PHF20: variants seen among roughly 807,000 people sequenced by gnomAD.
The protein encoded by PHF20 is glioma-expressed antigen 2.
A neutral mutation model predicts 113.5 loss-of-function variants in PHF20; 23 were observed. The ratio of observed to expected loss-of-function variants is 0.20; its 90% confidence interval spans 0.15 to 0.29. PHF20 has a LOEUF of 0.29. Among genes scored for constraint, PHF20 ranks in the 10% least tolerant of loss-of-function variants. The pLI, the probability that PHF20 is intolerant of heterozygous loss-of-function variation, is 1.00. For missense variants in PHF20, 943 were observed against 1,219.6 expected (o/e 0.77, Z 3.38); for synonymous variants, 434 against 457.3 (o/e 0.95, Z 0.65).
chr20:35,908,510 C>G (rs1321277565), intron 10 of PHF20, among the ~76,000 whole-genome samples: 1 of 152,204 alleles, frequency 6.6e-6, no homozygotes, highest in Non-Finnish European at 1.5e-5. Flanking sequence ...GTTAGCATTT[C>G]ACTAAGCTGA....
At chr20:35,881,601 C>A (rs2054636480) in intron 9 of PHF20, among the ~76,000 whole-genome samples, 1 of 151,476 alleles carries the variant, frequency 6.6e-6, no homozygotes, top group Non-Finnish European at 1.5e-5. Context: ...CAAGGACATT[C>A]TTCTACATTA....
chr20:35,799,558 A>C, intron 1 of PHF20, among the ~76,000 whole-genome samples: 1 of 152,142 alleles, frequency 6.6e-6, no homozygotes, highest in East Asian at 1.9e-4. Context: ...AAGTGCCCTT[A>C]GAGTTCAGAG....
chr20:35,897,120 A>G (rs907214677), intron 9 of PHF20, among the ~76,000 whole-genome samples: 2 of 151,942 alleles, frequency 1.3e-5, no homozygotes, highest in Non-Finnish European at 2.9e-5. Context: ...TGCAGCCTCA[A>G]CCTGCTGGGC....
chr20:35,874,745 T>A (rs6579260), intron 9 of PHF20, among the ~76,000 whole-genome samples: 16,396 of 151,918 alleles, frequency 0.11, 916 homozygotes, highest in South Asian at 0.16. Flanking sequence ...ACTTAAAAAA[T>A]TTTTTTTTGA....
intron 4 of PHF20, chr20:35,856,214 T>TCTATGTCTTGCTAG (rs1238421816): frequency 6.6e-6 from 1 of 152,206 alleles, no homozygotes; most frequent in Non-Finnish European, 1.5e-5. Context: ...TCAAAGTTTG[T>TCTATGTCTTGCTAG]CTATGTCTTG....
At chr20:35,794,138 TA>T (rs546364264) in intron 1 of PHF20, among the ~76,000 whole-genome samples, 2 of 151,356 alleles carry the variant, frequency 1.3e-5, no homozygotes, top group Non-Finnish European at 2.9e-5. Context: ...CCTTCTCTGC[TA>T]AAAATACAAA....
At chr20:35,865,686 A>G (rs1043331280) in intron 6 of PHF20, among the ~76,000 whole-genome samples, 1 of 151,722 alleles carries the variant, frequency 6.6e-6, no homozygotes, top group Admixed American at 6.6e-5. Flanking sequence ...TCTTGTAGAG[A>G]CAGGGTTTCA....
At chr20:35,909,834 G>A (rs1272917260) in intron 10 of PHF20, among the ~76,000 whole-genome samples, 1 of 152,192 alleles carries the variant, frequency 6.6e-6, no homozygotes, top group Non-Finnish European at 1.5e-5. Context: ...TTGGGAGAGG[G>A]GCCTGGGTTG....
chr20:35,904,767 C>CTTCT (rs1555799924), intron 10 of PHF20, among the ~76,000 whole-genome samples: 1 of 125,614 alleles, frequency 8.0e-6, no homozygotes. Flanking sequence ...GATTTCTTTT[C>CTTCT]TCCTTCCTTC....
In PHF20 at chr20:35,927,895, G is replaced by A. The variant is rs1294834308; in HGVS notation, c.2104+16G>A. The A allele has an allele frequency of 6.4e-7, 1 of 1,551,266 alleles. No individual in the cohort carries two copies. The highest frequency in any genetic ancestry group is 2.2e-5 in the East Asian group (1 of 44,590). On this transcript the variant is annotated intron_variant, in intron 14 of 17. Transcript: ENST00000374012. Reference sequence around the variant, plus strand: ...GACCCTCCAGGTAGAGATTTCTGGAGTCAGGGATATAACAGTATGTAGCCT... The same window carrying A: ...GACCCTCCAGGTAGAGATTTCTGGAATCAGGGATATAACAGTATGTAGCCT...
intron 1 of PHF20, among the ~76,000 whole-genome samples, chr20:35,797,178 A>G (rs1032730892): frequency 2.0e-5 from 3 of 151,014 alleles, no homozygotes; most frequent in Admixed American, 1.3e-4. Context: ...GGCATGAGCC[A>G]GTGTACCTGG....
chr20:35,941,625 G>A (rs543809171), intron 17 of PHF20, among the ~76,000 whole-genome samples: 4 of 152,230 alleles, frequency 2.6e-5, no homozygotes, highest in South Asian at 4.1e-4. Context: ...GGAAGTTGAC[G>A]GTTTTGGTTG....
intron 17 of PHF20, 102 bp downstream of exon 17, chr20:35,941,149 T>A: frequency 1.2e-6 from 1 of 845,398 alleles, no homozygotes; most frequent in Non-Finnish European, 1.8e-6. Context: ...GGGACCGCTG[T>A]ACTCTTTGCT....
At chr20:35,933,105 CTTTT>C (rs112208395) in intron 15 of PHF20, among the ~76,000 whole-genome samples, 1 of 144,310 alleles carries the variant, frequency 6.9e-6, no homozygotes, top group Admixed American at 6.9e-5. Context: ...CTAAATATTC[CTTTT>C]TTTTTTTTTT....
chr20:35,894,720 C>T (rs766101239), intron 9 of PHF20, among the ~76,000 whole-genome samples: 1 of 152,228 alleles, frequency 6.6e-6, no homozygotes, highest in African/African-American at 2.4e-5. Context: ...CCATCCTGCA[C>T]ATGAGGAAAC....
intron 1 of PHF20, among the ~76,000 whole-genome samples, chr20:35,780,077 T>A (rs971473116): frequency 1.3e-5 from 2 of 152,172 alleles, no homozygotes; most frequent in African/African-American, 4.8e-5. Context: ...CTTTGCCTCC[T>A]GTCCCAGTGC....
chr20:35,949,304 A>G lies in PHF20; in HGVS notation c.*1677A>G, dbSNP rs1401279222. ...ACAGCTGCATTGTAAGAGTTCTGTC[A>G]TGCAGTCTGAAAAGGGAAGAAACAG... On this transcript the variant is annotated 3_prime_UTR_variant, in exon 18 of 18. Coordinates refer to ENST00000374012, the MANE Select transcript of PHF20 (RefSeq NM_016436.5). The G allele has an allele frequency of 6.6e-6, 1 of 152,504 alleles. No individual in the cohort carries two copies. Among genetic ancestry groups the G allele is most frequent in the African/African-American group, 2.4e-5 (1 of 41,474 alleles). The allele number at this position is 152,504 out of a possible 1,614,324, so 9.4% of individuals were successfully genotyped here.
At chr20:35,803,144 C>T (rs1020906518) in intron 2 of PHF20, among the ~76,000 whole-genome samples, 3 of 149,708 alleles carry the variant, frequency 2.0e-5, no homozygotes, top group African/African-American at 7.4e-5. Context: ...CCTAGCTACT[C>T]AGGAGGCTGA....
At chr20:35,774,831 A>T (rs555660616) in intron 1 of PHF20, 1 of 152,276 alleles carries the variant, frequency 6.6e-6, no homozygotes, top group African/African-American at 2.4e-5. Context: ...AGTGCTCTGA[A>T]CTCAGTGTTG....
Sources: allele counts gnomAD v4.1 joint callset (sites outside exome capture counted in the v4.1 genomes callset), GRCh38; gene constraint gnomAD v4.1.1; transcripts MANE v1.5; gene names NCBI Gene and HGNC (gene_info 2026-07-23, HGNC 2026-07-21).